Variants in KANK1 observed in about 807,000 individuals in gnomAD.
The protein encoded by KANK1 is KN motif and ankyrin repeat domains 1, also known as KN motif and ankyrin repeat domain-containing protein 1.
KANK1 carries 109 observed loss-of-function variants against 106.2 expected under a neutral mutation model. That is an observed-to-expected ratio of 1.03 (90% CI 0.88 to 1.20). KANK1 has a LOEUF of 1.20. Among genes scored for constraint, KANK1 ranks in the 50% most tolerant of loss-of-function variants. KANK1 has a pLI of 0.00. For synonymous variants in KANK1, 873 were observed against 652.2 expected (o/e 1.34, Z -5.16); for missense variants, 2,399 against 1,710.7 (o/e 1.40, Z -7.10).
intron 1 of KANK1, among the ~76,000 whole-genome samples, chr9:667,222 G>T (rs1402111344): frequency 6.6e-6 from 1 of 151,778 alleles, no homozygotes; most frequent in Non-Finnish European, 1.5e-5. Context: ...TTTTCAATTT[G>T]TTGGCAATTG....
intron 1 of KANK1, among the ~76,000 whole-genome samples, chr9:653,266 C>T (rs969262244): frequency 2.6e-5 from 4 of 151,980 alleles, no homozygotes; most frequent in African/African-American, 7.3e-5. Context: ...AGAGGTAGTT[C>T]GAGGCCAACT....
chr9:693,982 C>T (rs1820607340), intron 2 of KANK1, among the ~76,000 whole-genome samples: 1 of 152,228 alleles, frequency 6.6e-6, no homozygotes, highest in East Asian at 1.9e-4. Context: ...ATAAAGATGT[C>T]ATTGTTGCAG....
rs1460506201 is a variant in KANK1 at position 744,527 on chromosome 9, G to A, written c.3934G>A (p.Gly1312Arg). 1.2e-6 allele frequency: 2 copies of A among 1,614,008 alleles called. No individual in the cohort carries two copies. Among genetic ancestry groups the A allele is most frequent in the African/African-American group, 1.3e-5 (1 of 74,922 alleles). Reference protein sequence around the residue: ...STALSIALEAGHKDIAVLLYA... With the variant: ...STALSIALEARHKDIAVLLYA... ...TGCGCTCTCAATCGCCCTGGAAGCA[G>A]GACACAAGGACATCGCTGTTCTTCT... Residue 1312 changes from glycine (G) to arginine (R), a missense_variant, in exon 11 of 12, where the codon GGA (glycine) becomes AGA (arginine). Coordinates refer to ENST00000382297, the MANE Select transcript of KANK1 (RefSeq NM_015158.5).
intron 1 of KANK1, among the ~76,000 whole-genome samples, chr9:514,355 G>C (rs953861022): frequency 6.8e-6 from 1 of 147,044 alleles, no homozygotes; most frequent in Non-Finnish European, 1.5e-5. Context: ...TAGGGGATGG[G>C]ATTATCCCTG....
Position 713,429 on chromosome 9 carries a change from C to T in KANK1, c.2663C>T (p.Pro888Leu). ...GCAAGCACTGAAGAGCTGAGGAACC[C>T]TGACTTCCAGAAAACCAGTCTGGGT... ...KSASTEELRNPDFQKTSLGKI... is the reference protein window; with the variant it reads ...KSASTEELRNLDFQKTSLGKI... The change falls in exon 3 of 12, where the codon CCT (proline) becomes CTT (leucine). Residue 888 changes from proline (P) to leucine (L), a missense_variant. Physicochemically the swap from Pro to Leu is moderately conservative, Grantham distance 98 (BLOSUM62 -3). Coordinates refer to ENST00000382297, the MANE Select transcript of KANK1 (RefSeq NM_015158.5). 1.2e-6 allele frequency: 2 copies of T among 1,603,224 alleles called. No homozygotes were observed. Among genetic ancestry groups the T allele is most frequent in the South Asian group, 1.1e-5 (1 of 88,830 alleles).
intron 1 of KANK1, among the ~76,000 whole-genome samples, chr9:568,037 C>T (rs371756946): frequency 6.6e-6 from 1 of 151,230 alleles, no homozygotes; most frequent in African/African-American, 2.4e-5. Context: ...CTATGATTAT[C>T]TTCATTTTAC....
At position 638,251 on chromosome 9, in the gene KANK1, T is replaced by C. The variant is rs995032600; in HGVS notation, c.-83-38639T>C. 8.5e-5 allele frequency among the ~76,000 whole-genome samples: 13 copies of C among 152,316 alleles called. No homozygotes were observed. In the Middle Eastern group the frequency reaches 0.01, roughly 120 times the overall value. On this transcript the variant is annotated intron_variant, in intron 1 of 11. Transcript: ENST00000382297. ...GGCATATAAAGAAATTTATTTCTTA[T>C]AGCTATGGAGGCTGAGAAGTCCAAG...
At chr9:553,518 C>A in intron 1 of KANK1, among the ~76,000 whole-genome samples, 1 of 152,162 alleles carries the variant, frequency 6.6e-6, no homozygotes, top group East Asian at 1.9e-4. Flanking sequence ...GGTCCTTGAT[C>A]TTCCGCACCC....
chr9:520,466 A>G lies in KANK1; in HGVS notation c.-84+15712A>G, dbSNP rs543985041. On this transcript the variant is annotated intron_variant, in intron 1 of 11. Coordinates refer to ENST00000382297, the MANE Select transcript of KANK1 (RefSeq NM_015158.5). ...AGTCATATGGCCAGGCCTGCCAGCA[A>G]TGTGGTAGAGAAGTGTGGTTAATTC... 1.4e-4 allele frequency among the ~76,000 whole-genome samples: 21 copies of G among 151,874 alleles called. No individual in the cohort carries two copies. In the South Asian group the frequency reaches 1.5e-3, roughly 10 times the overall value.
chr9:646,345 T>A (rs969115235), intron 1 of KANK1, among the ~76,000 whole-genome samples: 2 of 150,494 alleles, frequency 1.3e-5, no homozygotes, highest in African/African-American at 2.5e-5. Context: ...AAAAAAAAAA[T>A]TTAAGAAAAT....
intron 7 of KANK1, chr9:735,757 G>T (rs774675084): frequency 4.6e-6 from 2 of 436,940 alleles, no homozygotes; most frequent in South Asian, 3.2e-5. Context: ...ACTTCGGGAG[G>T]CCGATGCAGG....
At chr9:667,743 T>TG (rs765612394) in intron 1 of KANK1, among the ~76,000 whole-genome samples, 5,503 of 22,618 alleles carry the variant, frequency 0.24, 186 homozygotes, top group Middle Eastern at 0.29. Flanking sequence ...GGTTTTTTTG[T>TG]TTTGTTTTTT....
At chr9:611,645 GT>G (rs932025560) in intron 1 of KANK1, among the ~76,000 whole-genome samples, 1 of 152,192 alleles carries the variant, frequency 6.6e-6, no homozygotes. Context: ...AAATGACAGT[GT>G]CATTCTATTT....
At chr9:673,984 C>G (rs1237769111) in intron 1 of KANK1, 1 of 152,122 alleles carries the variant, frequency 6.6e-6, no homozygotes, top group Non-Finnish European at 1.5e-5. Context: ...ATTTGCCCCT[C>G]CCTCTCTGGT....
intron 8 of KANK1, among the ~76,000 whole-genome samples, chr9:738,895 G>C (rs774709050): frequency 2.0e-5 from 3 of 152,162 alleles, no homozygotes; most frequent in Non-Finnish European, 4.4e-5. Context: ...GCCTTGGTGC[G>C]TGTGGACCAC....
intron 3 of KANK1, among the ~76,000 whole-genome samples, chr9:723,274 A>G (rs936350075): frequency 9.9e-5 from 15 of 152,206 alleles, no homozygotes; most frequent in African/African-American, 3.4e-4. Flanking sequence ...AGCTTTAAAA[A>G]GCCCTAGTTT....
chr9:681,503 T>C (rs1159460513), intron 2 of KANK1, among the ~76,000 whole-genome samples: 1 of 152,226 alleles, frequency 6.6e-6, no homozygotes, highest in Non-Finnish European at 1.5e-5. Context: ...AGCTTAGATA[T>C]GCTTTAGAAG....
intron 1 of KANK1, among the ~76,000 whole-genome samples, chr9:672,361 A>G (rs1449932558): frequency 6.6e-6 from 1 of 152,172 alleles, no homozygotes; most frequent in Non-Finnish European, 1.5e-5. Flanking sequence ...TAAGGTATGC[A>G]TTTTTCTCAT....
chr9:629,077 CAAAA>C (rs34834497), intron 1 of KANK1, among the ~76,000 whole-genome samples: 5 of 132,662 alleles, frequency 3.8e-5, no homozygotes, highest in African/African-American at 1.1e-4. Flanking sequence ...CAACTGTTTC[CAAAA>C]AAAAAAAAAA....
Sources: gnomAD v4.1 joint callset for allele counts (sites outside exome capture counted in the v4.1 genomes callset) on GRCh38, gnomAD v4.1.1 for gene constraint, MANE v1.5 for transcripts, NCBI Gene and HGNC (gene_info 2026-07-23, HGNC 2026-07-21) for gene names.